The following PTPRT variants were observed in gnomAD, a reference collection of about 807,000 sequenced individuals.
PTPRT encodes protein tyrosine phosphatase receptor type T, also known as receptor-type tyrosine-protein phosphatase T.
Under a neutral mutation model 176.8 loss-of-function variants are expected in PTPRT, and 56 were observed. The ratio of observed to expected loss-of-function variants is 0.32; its 90% CI spans 0.26 to 0.40. The LOEUF is 0.40. PTPRT is among the 10% of genes least tolerant of loss of function. PTPRT has a pLI of 1.00. For missense variants in PTPRT, 1,540 were observed against 1,908.2 expected, an observed-to-expected ratio of 0.81 and a Z score of 3.60; for synonymous variants, 783 against 739.0, an observed-to-expected ratio of 1.06 and a Z score of -0.96.
At chr20:42,277,527 A>G (rs2057061362) in intron 13 of PTPRT, among the ~76,000 whole-genome samples, 2 of 152,212 alleles carry the variant, frequency 1.3e-5, no homozygotes, top group South Asian at 2.1e-4. Context: ...GGAGCAGGTC[A>G]GAGGAAGCAA....
chr20:42,073,223 A>C lies in PTPRT; in HGVS notation c.*7656T>G, dbSNP rs1982460251. Reference sequence around the variant, plus strand: ...CTTGGGATAGCTTGTGAGGGTGTCCAGAAGCCAAGGCAATGGTAGAGGCCA... The same window carrying C: ...CTTGGGATAGCTTGTGAGGGTGTCCCGAAGCCAAGGCAATGGTAGAGGCCA... On this transcript the variant is annotated 3_prime_UTR_variant, in exon 31 of 31. Coordinates refer to ENST00000373187, the MANE Select transcript of PTPRT (RefSeq NM_007050.6). 5.3e-6 allele frequency: 1 copy of C among 189,076 alleles called. No homozygotes were observed. Among genetic ancestry groups the C allele is most frequent in the Non-Finnish European group, 1.1e-5 (1 of 89,650 alleles). 11.7% of individuals were successfully genotyped at this position (189,076 alleles called of 1,614,324 possible). A position where few individuals can be genotyped will look rare whatever the true frequency, so the allele number is the denominator to read the frequency against.
At chr20:42,598,317 G>A (rs1034907727) in intron 7 of PTPRT, among the ~76,000 whole-genome samples, 3 of 152,132 alleles carry the variant, frequency 2.0e-5, no homozygotes, top group African/African-American at 7.2e-5. Flanking sequence ...GGAATAGATG[G>A]CAATCTTTAT....
At chr20:42,361,451 G>A (rs1460113790) in intron 9 of PTPRT, among the ~76,000 whole-genome samples, 1 of 152,132 alleles carries the variant, frequency 6.6e-6, no homozygotes, top group Non-Finnish European at 1.5e-5. Context: ...TGCTCTCACC[G>A]ATACAATGTA....
At chr20:42,572,669 A>G (rs2073177697) in intron 7 of PTPRT, among the ~76,000 whole-genome samples, 1 of 152,226 alleles carries the variant, frequency 6.6e-6, no homozygotes, top group African/African-American at 2.4e-5. Context: ...AGCACTCATC[A>G]TGATTACAAT....
chr20:42,418,945 C>G (rs1472013047), intron 9 of PTPRT, among the ~76,000 whole-genome samples: 8 of 152,176 alleles, frequency 5.3e-5, no homozygotes, highest in Admixed American at 1.3e-4. Flanking sequence ...AACATCAGCT[C>G]CCAGAGGAGA....
At chr20:43,083,337 T>TACAC (rs1489432968) in intron 1 of PTPRT, among the ~76,000 whole-genome samples, 2 of 105,790 alleles carry the variant, frequency 1.9e-5, no homozygotes, top group African/African-American at 7.3e-5. Flanking sequence ...TATATATATA[T>TACAC]ATATATATAT....
chr20:43,154,159 T>G (rs1214259745), intron 1 of PTPRT, among the ~76,000 whole-genome samples: 1 of 152,224 alleles, frequency 6.6e-6, no homozygotes, highest in Non-Finnish European at 1.5e-5. Context: ...TTGGGACTTA[T>G]ATTTAAGTCT....
intron 6 of PTPRT, among the ~76,000 whole-genome samples, chr20:42,719,200 G>T (rs1052491091): frequency 2.6e-5 from 4 of 152,338 alleles, no homozygotes; most frequent in Admixed American, 2.6e-4. Flanking sequence ...AAGTTCAGCA[G>T]AACTGTCCGC....
intron 1 of PTPRT, among the ~76,000 whole-genome samples, chr20:42,896,055 A>G (rs1428849867): frequency 1.3e-5 from 2 of 152,198 alleles, no homozygotes; most frequent in East Asian, 3.9e-4. Flanking sequence ...TAAGGGATTG[A>G]GTAAAGAACA....
At chr20:42,434,922 A>T (rs2059248815) in intron 9 of PTPRT, among the ~76,000 whole-genome samples, 2 of 152,236 alleles carry the variant, frequency 1.3e-5, no homozygotes, top group East Asian at 3.9e-4. Context: ...TTGAGATTGC[A>T]TCACTGCACT....
At chr20:42,989,156 A>C (rs1983757286) in intron 1 of PTPRT, among the ~76,000 whole-genome samples, 1 of 152,244 alleles carries the variant, frequency 6.6e-6, no homozygotes, top group Non-Finnish European at 1.5e-5. Context: ...CTTTGCTCCA[A>C]GTTATGTGGG....
At chr20:42,138,401 T>G (rs570428626) in intron 18 of PTPRT, among the ~76,000 whole-genome samples, 14 of 152,318 alleles carry the variant, frequency 9.2e-5, no homozygotes, top group African/African-American at 3.4e-4. Flanking sequence ...TCATCTCTCT[T>G]TGGGTCCTGG....
chr20:42,795,549 C>T (rs887574938), intron 2 of PTPRT, among the ~76,000 whole-genome samples: 10 of 152,198 alleles, frequency 6.6e-5, no homozygotes, highest in South Asian at 4.1e-4. Context: ...TGTGCTCGGG[C>T]GACTGGCAGC....
chr20:42,893,803 T>C (rs1321366513), intron 1 of PTPRT, among the ~76,000 whole-genome samples: 6 of 151,204 alleles, frequency 4.0e-5, no homozygotes, highest in South Asian at 2.1e-4. Flanking sequence ...TAGATGGGAA[T>C]TGAACAATGA....
intron 1 of PTPRT, among the ~76,000 whole-genome samples, chr20:43,140,736 A>G (rs2013978957): frequency 6.6e-6 from 1 of 152,088 alleles, no homozygotes; most frequent in Non-Finnish European, 1.5e-5. Flanking sequence ...GGGCTTCTTA[A>G]GCCAGTTTAC....
At chr20:42,894,029 A>T (rs930912556) in intron 1 of PTPRT, among the ~76,000 whole-genome samples, 1 of 141,398 alleles carries the variant, frequency 7.1e-6, no homozygotes, top group African/African-American at 2.4e-5. Context: ...AAAAATTAAA[A>T]ATTAAAAAAT....
intron 1 of PTPRT, among the ~76,000 whole-genome samples, chr20:42,972,676 CAAAAAAAAAA>C (rs33947245): frequency 1.3e-5 from 1 of 77,560 alleles, no homozygotes; most frequent in African/African-American, 5.0e-5. Flanking sequence ...TCTCAAAAAG[CAAAAAAAAAA>C]AAAAAAAAAA....
chr20:43,078,023 T>G (rs1287813072), intron 1 of PTPRT, among the ~76,000 whole-genome samples: 2 of 152,226 alleles, frequency 1.3e-5, no homozygotes, highest in Admixed American at 1.3e-4. Context: ...AGCATGTTCT[T>G]CATCACAGCA....
At chr20:42,809,158 G>A (rs1173061527) in intron 2 of PTPRT, among the ~76,000 whole-genome samples, 4 of 152,314 alleles carry the variant, frequency 2.6e-5, no homozygotes, top group East Asian at 1.9e-4. Context: ...GCCCAAGCAC[G>A]AGATGTTGGT....
Sources: allele counts gnomAD v4.1 joint callset (sites outside exome capture counted in the v4.1 genomes callset), GRCh38; gene constraint gnomAD v4.1.1; transcripts MANE v1.5; gene names NCBI Gene and HGNC (gene_info 2026-07-23, HGNC 2026-07-21).